The following KIAA1328 variants were observed in gnomAD, a reference collection of about 807,000 sequenced individuals.
The protein encoded by KIAA1328 is KIAA1328, also known as protein hinderin.
KIAA1328 carries 52 observed loss-of-function variants against 68.1 expected under a neutral mutation model. The observed-to-expected ratio is 0.76, with a 90% CI of 0.61 to 0.96. The LOEUF is 0.96. KIAA1328 is among the 40% of genes least tolerant of loss of function. The pLI is 0.00. For missense variants in KIAA1328, 641 were observed against 677.6 expected, an observed-to-expected ratio of 0.95 and a Z score of 0.60; for synonymous variants, 232 against 239.4, an observed-to-expected ratio of 0.97 and a Z score of 0.28.
chr18:36,977,837 G>A (rs1252409192), intron 6 of KIAA1328, among the ~76,000 whole-genome samples: 1 of 152,012 alleles, frequency 6.6e-6, no homozygotes, highest in Non-Finnish European at 1.5e-5. Context: ...AGGCTGGAGT[G>A]CAGTGGTGCA....
chr18:37,140,663 A>AGT (rs1449503594), intron 7 of KIAA1328, among the ~76,000 whole-genome samples: 3 of 152,206 alleles, frequency 2.0e-5, no homozygotes, highest in Non-Finnish European at 4.4e-5. Context: ...GGTGACTTAC[A>AGT]GTGTAGCAAG....
chr18:37,028,442 T>C (rs1023449596), intron 6 of KIAA1328, among the ~76,000 whole-genome samples: 1 of 152,058 alleles, frequency 6.6e-6, no homozygotes, highest in African/African-American at 2.4e-5. Flanking sequence ...GAGACTAGGA[T>C]TTTCTAGATA....
chr18:37,210,074 T>C (rs984621900), intron 9 of KIAA1328, among the ~76,000 whole-genome samples: 2 of 151,860 alleles, frequency 1.3e-5, no homozygotes, highest in African/African-American at 4.8e-5. Flanking sequence ...AAAAAGGAAA[T>C]GGGAGGGGAA....
chr18:36,885,539 T>C lies in KIAA1328; in HGVS notation c.333-18T>C. On this transcript the variant is annotated intron_variant, in intron 4 of 9. Transcript: ENST00000280020. ...TTTATTCTGATAGATGTTAAAGGTT[T>C]TTTTTTTTTTATTTCAGAGTAAGTG... The C allele has an allele frequency of 7.0e-7, 1 of 1,425,752 alleles. No homozygotes were observed. The highest frequency in any genetic ancestry group is 9.4e-7 in the Non-Finnish European group (1 of 1,063,378). 88.3% of individuals were successfully genotyped at this position (1,425,752 alleles called of 1,614,324 possible). A position where few individuals can be genotyped will look rare whatever the true frequency, so the allele number is the denominator to read the frequency against.
intron 5 of KIAA1328, among the ~76,000 whole-genome samples, chr18:36,940,699 C>T (rs1476343600): frequency 7.1e-5 from 9 of 127,428 alleles, no homozygotes; most frequent in East Asian, 2.3e-4. Context: ...TTTTTTGAGA[C>T]GGAGTCTCGC....
intron 5 of KIAA1328, among the ~76,000 whole-genome samples, chr18:36,913,616 T>A (rs937315681): frequency 2.0e-5 from 3 of 151,328 alleles, no homozygotes; most frequent in East Asian, 1.9e-4. Flanking sequence ...CTAATAGTCA[T>A]CCTTGTTATT....
chr18:36,897,234 T>C lies in KIAA1328; in HGVS notation c.448+11562T>C, dbSNP rs535005695. Among the ~76,000 whole-genome samples, 16 of 152,130 alleles carry C rather than the reference T, an allele frequency of 1.1e-4. No individual in the cohort carries two copies. The East Asian group carries it at 1.9e-3, about 18-fold the overall frequency. ...TTGAGCATCTTATTTTCTTGAACCC[T>C]CAGGCTTATGAAGAGCAGAGCCAAA... is the stretch of plus-strand genomic sequence containing the variant. On this transcript the variant is annotated intron_variant, in intron 5 of 9. Transcript: ENST00000280020.
At chr18:36,973,445 C>A (rs1336063886) in intron 6 of KIAA1328, among the ~76,000 whole-genome samples, 1 of 152,048 alleles carries the variant, frequency 6.6e-6, no homozygotes, top group African/African-American at 2.4e-5. Flanking sequence ...ACACGTTGTG[C>A]ACATGTACCC....
At chr18:36,876,131 T>G (rs912404008) in intron 4 of KIAA1328, among the ~76,000 whole-genome samples, 1 of 152,168 alleles carries the variant, frequency 6.6e-6, no homozygotes, top group Non-Finnish European at 1.5e-5. Context: ...AATTTTCTTT[T>G]TTTGTTGCGT....
chr18:36,904,406 T>C (rs1257930369), intron 5 of KIAA1328, among the ~76,000 whole-genome samples: 1 of 152,106 alleles, frequency 6.6e-6, no homozygotes, highest in Non-Finnish European at 1.5e-5. Context: ...TGAAATTCCA[T>C]TTTTAGATGC....
At chr18:37,053,916 A>G (rs1599096550) in intron 6 of KIAA1328, among the ~76,000 whole-genome samples, 1 of 152,098 alleles carries the variant, frequency 6.6e-6, no homozygotes, top group Non-Finnish European at 1.5e-5. Context: ...TGCATCTGAC[A>G]AAGGTCTGGT....
intron 7 of KIAA1328, among the ~76,000 whole-genome samples, chr18:37,142,624 C>T (rs1451991298): frequency 6.6e-6 from 1 of 151,758 alleles, no homozygotes; most frequent in Non-Finnish European, 1.5e-5. Context: ...CACACACAAA[C>T]ACACACACAC....
chr18:37,115,224 T>C (rs2058069570), intron 7 of KIAA1328, among the ~76,000 whole-genome samples: 1 of 152,160 alleles, frequency 6.6e-6, no homozygotes, highest in Non-Finnish European at 1.5e-5. Context: ...AAGAGATTTT[T>C]AGACCAATAT....
intron 7 of KIAA1328, among the ~76,000 whole-genome samples, chr18:37,096,346 C>T (rs1231785439): frequency 6.6e-6 from 1 of 152,052 alleles, no homozygotes; most frequent in Non-Finnish European, 1.5e-5. Flanking sequence ...TCTGTCCTTG[C>T]GATAGTTTGC....
intron 6 of KIAA1328, among the ~76,000 whole-genome samples, chr18:37,062,581 G>A (rs1474706757): frequency 6.6e-6 from 1 of 151,768 alleles, no homozygotes; most frequent in African/African-American, 2.4e-5. Flanking sequence ...TCAGCCTCCG[G>A]AGTAGCTGGG....
chr18:37,001,575 C>A (rs1015795943), intron 6 of KIAA1328, among the ~76,000 whole-genome samples: 5 of 152,088 alleles, frequency 3.3e-5, no homozygotes, highest in Non-Finnish European at 1.5e-5. Flanking sequence ...AAGAAAATTA[C>A]AGGCTAGTAT....
At chr18:36,903,270 C>T (rs957028205) in intron 5 of KIAA1328, among the ~76,000 whole-genome samples, 1 of 152,050 alleles carries the variant, frequency 6.6e-6, no homozygotes, top group Non-Finnish European at 1.5e-5. Context: ...GATCTCTTGC[C>T]TTGAATTTTG....
At chr18:37,118,997 TG>T (rs2058197454) in intron 7 of KIAA1328, among the ~76,000 whole-genome samples, 1 of 152,160 alleles carries the variant, frequency 6.6e-6, no homozygotes, top group Admixed American at 6.5e-5. Context: ...TTTGTCATGA[TG>T]GGGGATATGC....
At chr18:36,832,563 G>C (rs1019572909) in intron 1 of KIAA1328, 1 of 148,370 alleles carries the variant, frequency 6.7e-6, no homozygotes, top group African/African-American at 2.5e-5. Flanking sequence ...CTCCAGCCTG[G>C]GTGGCAGAGC....
Sources: allele counts gnomAD v4.1 joint callset (sites outside exome capture counted in the v4.1 genomes callset), GRCh38; gene constraint gnomAD v4.1.1; transcripts MANE v1.5; gene names NCBI Gene and HGNC (gene_info 2026-07-23, HGNC 2026-07-21).